The following NXPE2 variants were observed in gnomAD, a reference collection of about 807,000 sequenced individuals.
NXPE2 encodes NXPE family member 2.
NXPE2 carries 34 observed loss-of-function variants against 34.4 expected under a neutral mutation model. The observed-to-expected ratio is 0.99, with a 90% confidence interval of 0.75 to 1.31. NXPE2 has a LOEUF of 1.31. Ranked by LOEUF, NXPE2 falls within the 40% of genes most tolerant of loss-of-function variation. NXPE2 has a pLI of 0.00. For missense variants in NXPE2, 649 were observed against 672.5 expected (o/e 0.97, Z 0.39); for synonymous variants, 235 against 231.3 (o/e 1.02, Z -0.15).
the NXPE2 span, among the ~76,000 whole-genome samples, chr11:114,630,438 A>C: frequency 1.2e-4 from 18 of 151,860 alleles, 1 homozygote; most frequent in Non-Finnish European, 1.6e-4. Flanking sequence ...TTCCCTATTT[A>C]ATAAATGGTG....
At chr11:114,582,715 C>A in the NXPE2 span, 1 of 1,614,130 alleles carries the variant, frequency 6.2e-7, no homozygotes, top group Non-Finnish European at 8.5e-7. Flanking sequence ...AGGAAATCCC[C>A]GCCATATTGC....
the NXPE2 span, chr11:114,553,817 A>G: frequency 3.1e-6 from 3 of 969,590 alleles, no homozygotes; most frequent in Non-Finnish European, 3.7e-6. Flanking sequence ...ATTCATGCAC[A>G]TTTCTTTCCA....
chr11:114,469,558 C>G, the NXPE2 span, among the ~76,000 whole-genome samples: 1 of 150,484 alleles, frequency 6.6e-6, no homozygotes, highest in East Asian at 2.0e-4. Flanking sequence ...GGTGCAATCT[C>G]GGATCACTGC....
the NXPE2 span, among the ~76,000 whole-genome samples, chr11:114,651,152 G>A: frequency 1.3e-5 from 2 of 152,058 alleles, no homozygotes; most frequent in African/African-American, 4.8e-5. Context: ...TGGGTTCTTG[G>A]TCTCGCTTAC....
At chr11:114,669,197 C>A in the NXPE2 span, among the ~76,000 whole-genome samples, 1 of 152,050 alleles carries the variant, frequency 6.6e-6, no homozygotes, top group South Asian at 2.1e-4. Flanking sequence ...ATAAAACAAA[C>A]AATGATTTAA....
the NXPE2 span, among the ~76,000 whole-genome samples, chr11:114,587,824 T>G: frequency 6.6e-6 from 1 of 152,232 alleles, no homozygotes; most frequent in South Asian, 2.1e-4. Context: ...TCTGAAGCAC[T>G]GGGATTCCTT....
the NXPE2 span, among the ~76,000 whole-genome samples, chr11:114,545,795 T>C: frequency 4.0e-5 from 6 of 151,864 alleles, no homozygotes; most frequent in Non-Finnish European, 7.4e-5. Flanking sequence ...TTCAAGCGAT[T>C]CTCCTACCTT....
chr11:114,704,779 T>G (rs1040577533), intron 4 of NXPE2, among the ~76,000 whole-genome samples: 6 of 152,212 alleles, frequency 3.9e-5, no homozygotes, highest in African/African-American at 1.4e-4. Context: ...TCACAATCTA[T>G]GAAGAAGACA....
At chr11:114,611,404 G>A in the NXPE2 span, among the ~76,000 whole-genome samples, 1 of 151,864 alleles carries the variant, frequency 6.6e-6, no homozygotes, top group Non-Finnish European at 1.5e-5. Flanking sequence ...CTGTTTCCCA[G>A]TGGATAATAA....
chr11:114,561,241 G>T, the NXPE2 span, among the ~76,000 whole-genome samples: 1 of 152,170 alleles, frequency 6.6e-6, no homozygotes, highest in Non-Finnish European at 1.5e-5. Context: ...CTGACACTTA[G>T]TTTAAGCACT....
chr11:114,653,754 T>G, the NXPE2 span, among the ~76,000 whole-genome samples: 4 of 151,982 alleles, frequency 2.6e-5, no homozygotes, highest in African/African-American at 9.7e-5. Flanking sequence ...GGTCTTGATC[T>G]CCTGACCTCG....
chr11:114,785,544 C>G, the NXPE2 span, among the ~76,000 whole-genome samples: 147,465 of 152,280 alleles, frequency 0.97, 71,579 homozygotes, highest in Middle Eastern at 1. Flanking sequence ...CTCCCCCTGT[C>G]TATGGTGTGT....
the NXPE2 span, among the ~76,000 whole-genome samples, chr11:114,746,396 A>G: frequency 2.6e-5 from 4 of 152,230 alleles, no homozygotes; most frequent in African/African-American, 9.6e-5. Context: ...GAAGTCAAGT[A>G]TTACAAGAAA....
chr11:114,539,177 A>G, the NXPE2 span, among the ~76,000 whole-genome samples: 829 of 152,186 alleles, frequency 5.4e-3, 15 homozygotes, highest in African/African-American at 0.019. Context: ...GCAAACTATC[A>G]CAAGGACAAA....
the NXPE2 span, among the ~76,000 whole-genome samples, chr11:114,793,012 G>A: frequency 6.6e-6 from 1 of 152,116 alleles, no homozygotes; most frequent in Non-Finnish European, 1.5e-5. Flanking sequence ...TTGCACAGCT[G>A]TGATTTTAAA....
At chr11:114,589,308 C>T in the NXPE2 span, among the ~76,000 whole-genome samples, 86 of 152,162 alleles carry the variant, frequency 5.7e-4, 1 homozygote, top group East Asian at 0.016. Context: ...CCCATTACAG[C>T]ACAGGAGGCC....
chr11:114,570,640 C>T, the NXPE2 span: 1 of 215,518 alleles, frequency 4.6e-6, no homozygotes, highest in Non-Finnish European at 9.0e-6. Flanking sequence ...TCTGAGTTTT[C>T]ATGCATCAGA....
the NXPE2 span, among the ~76,000 whole-genome samples, chr11:114,755,032 G>A: frequency 6.6e-6 from 1 of 152,192 alleles, no homozygotes; most frequent in South Asian, 2.1e-4. Flanking sequence ...GCAATGTGGA[G>A]GTCATTGATG....
the NXPE2 span, among the ~76,000 whole-genome samples, chr11:114,616,780 C>T: frequency 1.3e-5 from 2 of 150,946 alleles, no homozygotes; most frequent in African/African-American, 2.5e-5. Flanking sequence ...TGCCTCTTGG[C>T]TTACCACTGT....
Sources: gnomAD v4.1 joint callset for allele counts (sites outside exome capture counted in the v4.1 genomes callset) on GRCh38, gnomAD v4.1.1 for gene constraint, MANE v1.5 for transcripts, NCBI Gene and HGNC (gene_info 2026-07-23, HGNC 2026-07-21) for gene names.